UBR3: variants seen among roughly 807,000 people sequenced by gnomAD.
UBR3 encodes E3 ubiquitin-protein ligase UBR3.
In UBR3, 85 loss-of-function variants were observed where a neutral mutation model predicts 243.2. The observed-to-expected ratio is 0.35, with a 90% confidence interval of 0.29 to 0.42. The LOEUF is 0.42. Among genes scored for constraint, UBR3 ranks in the 10% least tolerant of loss-of-function variants. UBR3 has a pLI of 1.00. For synonymous variants in UBR3, 748 were observed against 799.8 expected, an observed-to-expected ratio of 0.94 and a Z score of 1.09; for missense variants, 1,686 against 2,300.8, an observed-to-expected ratio of 0.73 and a Z score of 5.47.
At chr2:169,891,613 GACAC>G (rs3082964) in intron 6 of UBR3, among the ~76,000 whole-genome samples, 15 of 148,810 alleles carry the variant, frequency 1.0e-4, no homozygotes, top group Non-Finnish European at 2.2e-4. Context: ...GAGAGACAGA[GACAC>G]ACACACACAC....
At chr2:169,952,286 T>A (rs2105363201) in intron 23 of UBR3, among the ~76,000 whole-genome samples, 1 of 152,004 alleles carries the variant, frequency 6.6e-6, no homozygotes, top group East Asian at 1.9e-4. Context: ...AAGAGGAAGT[T>A]CAGAAAGCAA....
chr2:170,012,385 A>G (rs192267920), intron 29 of UBR3, among the ~76,000 whole-genome samples: 72 of 152,258 alleles, frequency 4.7e-4, no homozygotes, highest in Non-Finnish European at 7.6e-4. Context: ...CTTATCAGGT[A>G]CCCTGGGGAT....
intron 30 of UBR3, 25 bp downstream of exon 30, chr2:170,015,391 TA>T (rs765299167): frequency 3.1e-5 from 48 of 1,553,572 alleles, no homozygotes; most frequent in Admixed American, 8.1e-5. Flanking sequence ...CTGCTAAATT[TA>T]AAAAAAATTC....
chr2:169,876,897 G>A (rs2083640369), intron 3 of UBR3, among the ~76,000 whole-genome samples: 1 of 152,046 alleles, frequency 6.6e-6, no homozygotes, highest in African/African-American at 2.4e-5. Context: ...AGGCTGAGAA[G>A]TGATCCCCTT....
At chr2:169,884,947 TAG>T (rs2084033574) in intron 5 of UBR3, among the ~76,000 whole-genome samples, 1 of 152,202 alleles carries the variant, frequency 6.6e-6, no homozygotes, top group African/African-American at 2.4e-5. Flanking sequence ...AAGAGGTTGA[TAG>T]AGGAAGAGTA....
At chr2:170,061,890 C>G (rs2091465272) in intron 35 of UBR3, among the ~76,000 whole-genome samples, 1 of 152,058 alleles carries the variant, frequency 6.6e-6, no homozygotes, top group Non-Finnish European at 1.5e-5. Context: ...AGGATATTTA[C>G]TATTTTTGTT....
In UBR3 at chr2:170,040,996, A is replaced by G; in HGVS notation, c.4660+11A>G. 1 of 1,597,870 alleles carries G rather than the reference A, an allele frequency of 6.3e-7. No individual in the cohort carries two copies. The highest frequency in any genetic ancestry group is 8.6e-7 in the Non-Finnish European group (1 of 1,166,352). ...AACCCTTACGCAAAGGTATGTCTTT[A>G]TAATTCAGATTCTTTGATTATATAC... On this transcript the variant is annotated intron_variant, in intron 32 of 38. Coordinates refer to ENST00000272793, the MANE Select transcript of UBR3 (RefSeq NM_172070.4).
intron 1 of UBR3, among the ~76,000 whole-genome samples, chr2:169,836,366 T>G (rs1419643104): frequency 4.0e-5 from 6 of 151,760 alleles, no homozygotes; most frequent in Non-Finnish European, 8.8e-5. Flanking sequence ...ATTACAGGCA[T>G]GGGCTACCAC....
At chr2:169,843,898 G>C (rs532001420) in intron 1 of UBR3, among the ~76,000 whole-genome samples, 1 of 151,730 alleles carries the variant, frequency 6.6e-6, no homozygotes, top group African/African-American at 2.4e-5. Flanking sequence ...GATAGAGTTT[G>C]TCCGTGAAAC....
intron 35 of UBR3, among the ~76,000 whole-genome samples, chr2:170,068,119 T>C (rs1431022100): frequency 6.6e-6 from 1 of 152,014 alleles, no homozygotes; most frequent in Non-Finnish European, 1.5e-5. Flanking sequence ...ATACTGAAAT[T>C]GTGGGATCCA....
intron 27 of UBR3, among the ~76,000 whole-genome samples, chr2:170,002,843 A>C (rs920685350): frequency 1.3e-5 from 2 of 152,022 alleles, no homozygotes; most frequent in Non-Finnish European, 2.9e-5. Flanking sequence ...CTTCAGTGTA[A>C]CTTTTATTTT....
At chr2:169,913,430 T>C (rs1340296512) in intron 10 of UBR3, among the ~76,000 whole-genome samples, 1 of 151,982 alleles carries the variant, frequency 6.6e-6, no homozygotes, top group African/African-American at 2.4e-5. Context: ...AACTCGCCTA[T>C]TTTGGTGGAT....
intron 24 of UBR3, among the ~76,000 whole-genome samples, chr2:169,979,482 A>G (rs950831421): frequency 2.0e-5 from 3 of 152,212 alleles, no homozygotes; most frequent in Non-Finnish European, 4.4e-5. Flanking sequence ...ATAATTGCTC[A>G]GAATTGGAAG....
chr2:170,015,037 C>A, intron 29 of UBR3: 4 of 297,840 alleles, frequency 1.3e-5, no homozygotes, highest in Non-Finnish European at 1.9e-5. Flanking sequence ...GCAACAATTA[C>A]ACCATGATGT....
In UBR3 at chr2:169,906,173, G is replaced by A; in HGVS notation, c.1779+9G>A. ...CACATTGTAAAGTTAGGGTATGTTGGAAATATTTTTGTTAATTTCTGTGTT... is the reference window on the plus strand; with the variant it reads ...CACATTGTAAAGTTAGGGTATGTTGAAAATATTTTTGTTAATTTCTGTGTT... On this transcript the variant is annotated intron_variant, in intron 10 of 38. Transcript: ENST00000272793. The A allele has an allele frequency of 1.3e-6, 2 of 1,524,426 alleles. No homozygotes were observed. Among genetic ancestry groups the A allele is most frequent in the Non-Finnish European group, 1.8e-6 (2 of 1,139,282 alleles). The allele number at this position is 1,524,426 out of a possible 1,614,324, so 94.4% of individuals were successfully genotyped here.
chr2:169,898,765 G>C (rs2084694256), intron 8 of UBR3, among the ~76,000 whole-genome samples: 1 of 148,216 alleles, frequency 6.7e-6, no homozygotes, highest in Admixed American at 6.8e-5. Flanking sequence ...GCAGTGGCGC[G>C]ATCTCAGCTC....
chr2:170,050,074 C>G (rs2091182160), intron 32 of UBR3, among the ~76,000 whole-genome samples: 1 of 152,142 alleles, frequency 6.6e-6, no homozygotes, highest in Admixed American at 6.5e-5. Flanking sequence ...AAAGGACCAG[C>G]ATTTACTACC....
At chr2:170,011,479 T>G (rs771153012) in intron 29 of UBR3, among the ~76,000 whole-genome samples, 1 of 152,108 alleles carries the variant, frequency 6.6e-6, no homozygotes, top group Non-Finnish European at 1.5e-5. Context: ...TTATTTGTAT[T>G]TAGTATTAGT....
At chr2:169,999,464 A>C (rs2089613240) in intron 26 of UBR3, among the ~76,000 whole-genome samples, 1 of 152,222 alleles carries the variant, frequency 6.6e-6, no homozygotes, top group Non-Finnish European at 1.5e-5. Flanking sequence ...GTTTACTGTC[A>C]TTTAAAGATC....
Sources: allele counts gnomAD v4.1 joint callset (sites outside exome capture counted in the v4.1 genomes callset), GRCh38; gene constraint gnomAD v4.1.1; transcripts MANE v1.5; gene names NCBI Gene and HGNC (gene_info 2026-07-23, HGNC 2026-07-21).